PLCH1: variants seen among roughly 807,000 people sequenced by gnomAD.
PLCH1 encodes 1-phosphatidylinositol 4,5-bisphosphate phosphodiesterase eta-1.
In PLCH1, 60 loss-of-function variants were observed where a neutral mutation model predicts 126.7. The ratio of observed to expected loss-of-function variants is 0.47; its 90% CI spans 0.38 to 0.59. The LOEUF (loss-of-function observed/expected upper bound fraction) is 0.59. PLCH1 is among the 20% of genes least tolerant of loss of function. The pLI, the probability that PLCH1 is intolerant of heterozygous loss-of-function variation, is 0.00. For missense variants in PLCH1, 1,723 were observed against 2,040.0 expected, an observed-to-expected ratio of 0.84 and a Z score of 2.99; for synonymous variants, 719 against 734.9, an observed-to-expected ratio of 0.98 and a Z score of 0.35.
rs528915467 is a variant in PLCH1, at chr3:155,582,032, G to A, written c.771+1440C>T. Among the ~76,000 whole-genome samples, 5 of 146,866 alleles carry A rather than the reference G, an allele frequency of 3.4e-5. No individual in the cohort carries two copies. In the South Asian group the frequency reaches 1.1e-3, roughly 32 times the overall value. On this transcript the variant is annotated intron_variant, in intron 6 of 22. Transcript: ENST00000460012. ...CAAAGTGCTGGGATTACAGGTGTAA[G>A]CCACCGTGCCCAGCCCTTTTTTTTT...
intron 2 of PLCH1, among the ~76,000 whole-genome samples, chr3:155,633,412 TCACACACA>T (rs59152066): frequency 5.6e-5 from 8 of 142,356 alleles, no homozygotes; most frequent in Admixed American, 7.0e-5. Flanking sequence ...TTATATAACA[TCACACACA>T]CACACACACA....
intron 10 of PLCH1, among the ~76,000 whole-genome samples, chr3:155,531,770 T>C (rs1027222282): frequency 6.6e-6 from 1 of 152,220 alleles, no homozygotes; most frequent in African/African-American, 2.4e-5. Context: ...ATTCTTGCCT[T>C]AAACTTCATA....
At chr3:155,600,596 G>C (rs921221963) in intron 2 of PLCH1, among the ~76,000 whole-genome samples, 26 of 115,836 alleles carry the variant, frequency 2.2e-4, no homozygotes, top group Non-Finnish European at 4.4e-4. Context: ...GTACGCTTAA[G>C]ATAGCTAAAA....
intron 2 of PLCH1, among the ~76,000 whole-genome samples, chr3:155,652,542 T>C (rs968595926): frequency 2.6e-5 from 4 of 152,250 alleles, no homozygotes; most frequent in Non-Finnish European, 4.4e-5. Flanking sequence ...ACTTTGAACA[T>C]AGCACTACAT....
At chr3:155,535,310 TAGGAGCACAG>T (rs1468249303) in intron 10 of PLCH1, among the ~76,000 whole-genome samples, 1 of 152,062 alleles carries the variant, frequency 6.6e-6, no homozygotes, top group East Asian at 1.9e-4. Flanking sequence ...GAAGTGCAGA[TAGGAGCACAG>T]AGGCCATGGC....
intron 2 of PLCH1, among the ~76,000 whole-genome samples, chr3:155,626,416 T>C (rs1158247612): frequency 2.0e-5 from 3 of 152,104 alleles, no homozygotes; most frequent in Non-Finnish European, 4.4e-5. Flanking sequence ...CTAGAAGCCA[T>C]TCCAGAGTAG....
chr3:155,586,248 C>A (rs1731357914), intron 4 of PLCH1, 54 bp from the exon 5 acceptor site: 1 of 1,585,018 alleles, frequency 6.3e-7, no homozygotes, highest in East Asian at 2.2e-5. Flanking sequence ...AAAAACTGCT[C>A]TCTCACAGAA....
intron 2 of PLCH1, among the ~76,000 whole-genome samples, chr3:155,598,144 A>G (rs1376116642): frequency 6.6e-6 from 1 of 152,124 alleles, no homozygotes; most frequent in Admixed American, 6.5e-5. Context: ...AGATCACGCC[A>G]TTGCACTCCA....
intron 1 of PLCH1, among the ~76,000 whole-genome samples, chr3:155,708,962 C>T (rs755955385): frequency 2.0e-5 from 3 of 152,164 alleles, no homozygotes; most frequent in Non-Finnish European, 2.9e-5. Context: ...TAGCCCCTGA[C>T]GAGCACTGAT....
At chr3:155,502,836 G>A (rs1718106866) in intron 13 of PLCH1, among the ~76,000 whole-genome samples, 1 of 152,170 alleles carries the variant, frequency 6.6e-6, no homozygotes, top group Admixed American at 6.5e-5. Context: ...GTCTTTGGAG[G>A]TGAACATTTT....
At chr3:155,491,454 G>A (rs923696644) in intron 18 of PLCH1, among the ~76,000 whole-genome samples, 1 of 151,926 alleles carries the variant, frequency 6.6e-6, no homozygotes. Flanking sequence ...GTAGAGATGG[G>A]GTTTTGCCAT....
chr3:155,497,029 G>C (rs1424134039), intron 15 of PLCH1, among the ~76,000 whole-genome samples: 1 of 152,192 alleles, frequency 6.6e-6, no homozygotes, highest in African/African-American at 2.4e-5. Flanking sequence ...TTCAAGTGTT[G>C]CAGGAAGATC....
At chr3:155,555,268 A>C (rs1371899325) in intron 8 of PLCH1, among the ~76,000 whole-genome samples, 1 of 152,214 alleles carries the variant, frequency 6.6e-6, no homozygotes, top group East Asian at 1.9e-4. Flanking sequence ...TTATCGAGGG[A>C]ACACAGCTGG....
chr3:155,697,768 G>A (rs1021369862), intron 2 of PLCH1, among the ~76,000 whole-genome samples: 10 of 152,208 alleles, frequency 6.6e-5, no homozygotes, highest in African/African-American at 2.2e-4. Flanking sequence ...GAAGGCATGA[G>A]GCTGAAGCAA....
At chr3:155,534,830 C>G (rs1418910292) in intron 10 of PLCH1, among the ~76,000 whole-genome samples, 1 of 152,128 alleles carries the variant, frequency 6.6e-6, no homozygotes, top group Non-Finnish European at 1.5e-5. Context: ...CTTCACTGTT[C>G]ACCCTTCTCT....
intron 4 of PLCH1, among the ~76,000 whole-genome samples, chr3:155,593,484 A>G (rs1732476372): frequency 6.6e-6 from 1 of 152,256 alleles, no homozygotes; most frequent in Non-Finnish European, 1.5e-5. Context: ...AGCAGGAAGG[A>G]GCTCAGTGCC....
intron 6 of PLCH1, among the ~76,000 whole-genome samples, chr3:155,574,104 G>A (rs113948885): frequency 0.018 from 2,665 of 152,094 alleles, 79 homozygotes; most frequent in African/African-American, 0.061. Flanking sequence ...TAGTGGAGAC[G>A]GGGTTTCACC....
At chr3:155,744,249 T>A (rs756466035) in intron 1 of PLCH1, among the ~76,000 whole-genome samples, 1 of 151,708 alleles carries the variant, frequency 6.6e-6, no homozygotes, top group Non-Finnish European at 1.5e-5. Flanking sequence ...GGGGCCGGGG[T>A]TTGCCTCCAC....
chr3:155,694,713 A>G (rs1415378561), intron 2 of PLCH1, among the ~76,000 whole-genome samples: 1 of 152,132 alleles, frequency 6.6e-6, no homozygotes, highest in Non-Finnish European at 1.5e-5. Flanking sequence ...TATTTATCCT[A>G]CCCAGAGAGG....
Sources: gnomAD v4.1 joint callset for allele counts (sites outside exome capture counted in the v4.1 genomes callset) on GRCh38, gnomAD v4.1.1 for gene constraint, MANE v1.5 for transcripts, NCBI Gene and HGNC (gene_info 2026-07-23, HGNC 2026-07-21) for gene names.